The following ZNF606 variants were observed in gnomAD, a reference collection of about 807,000 sequenced individuals.
ZNF606 encodes zinc finger protein 328.
ZNF606 carries 37 observed loss-of-function variants against 74.9 expected under a neutral mutation model. The observed-to-expected ratio is 0.49, with a 90% confidence interval of 0.38 to 0.65. The LOEUF (loss-of-function observed/expected upper bound fraction) is 0.65. Ranked by LOEUF, ZNF606 falls within the 30% of genes least tolerant of loss-of-function variation. The pLI is 0.00. For missense variants in ZNF606, 852 were observed against 952.9 expected (o/e 0.89, Z 1.39); for synonymous variants, 328 against 312.4 (o/e 1.05, Z -0.53).
At chr19:57,980,775 C>T (rs2123268449) in intron 6 of ZNF606, among the ~76,000 whole-genome samples, 1 of 145,764 alleles carries the variant, frequency 6.9e-6, no homozygotes, top group South Asian at 2.2e-4. Flanking sequence ...GCAGAGCTTG[C>T]AGTGAGCCAA....
At chr19:58,001,047 C>G in intron 2 of ZNF606, 2 of 561,390 alleles carry the variant, frequency 3.6e-6, no homozygotes, top group South Asian at 2.6e-5. Flanking sequence ...GGAAACCCCA[C>G]AAACCACCAG....
chr19:57,982,702 T>C (rs563585580), intron 6 of ZNF606, among the ~76,000 whole-genome samples: 33 of 152,294 alleles, frequency 2.2e-4, no homozygotes, highest in African/African-American at 7.7e-4. Context: ...GGTACCGTCA[T>C]AGCTCACTGT....
intron 4 of ZNF606, among the ~76,000 whole-genome samples, chr19:57,993,930 C>A (rs1408915068): frequency 6.6e-6 from 1 of 152,098 alleles, no homozygotes; most frequent in Non-Finnish European, 1.5e-5. Context: ...ACAGGACTTC[C>A]AGCCTCACAG....
intron 4 of ZNF606, chr19:57,997,707 G>GTGT (rs1274247427): frequency 6.6e-6 from 1 of 152,226 alleles, no homozygotes; most frequent in East Asian, 1.9e-4. Context: ...TAGCATGGTG[G>GTGT]TTAACAGGGC....
At chr19:57,985,356 ACTAGAC>A (rs1243932794) in intron 6 of ZNF606, among the ~76,000 whole-genome samples, 2 of 152,292 alleles carry the variant, frequency 1.3e-5, no homozygotes, top group East Asian at 3.9e-4. Context: ...AACACTCATT[ACTAGAC>A]CTGCCTAGTG....
At chr19:57,995,078 C>T (rs1265837040) in intron 4 of ZNF606, among the ~76,000 whole-genome samples, 2 of 151,268 alleles carry the variant, frequency 1.3e-5, no homozygotes, top group Non-Finnish European at 2.9e-5. Context: ...GTACTCCCAG[C>T]TACTTGGGAG....
At chr19:57,989,401 GTC>G (rs2073216094) in intron 4 of ZNF606, among the ~76,000 whole-genome samples, 1 of 151,952 alleles carries the variant, frequency 6.6e-6, no homozygotes, top group African/African-American at 2.4e-5. Flanking sequence ...GGTAATCTAA[GTC>G]TGATTTTTCC....
chr19:57,995,243 T>C (rs1189152031), intron 4 of ZNF606, among the ~76,000 whole-genome samples: 1 of 150,960 alleles, frequency 6.6e-6, no homozygotes, highest in Admixed American at 6.6e-5. Context: ...CAATTCTGCT[T>C]CTAGGGGTAT....
chr19:57,979,310 T>G lies in ZNF606; in HGVS notation c.1370A>C (p.Glu457Ala). 1.9e-6 allele frequency: 3 copies of G among 1,614,066 alleles called. No individual in the cohort carries two copies. The highest frequency in any genetic ancestry group is 2.5e-6 in the Non-Finnish European group (3 of 1,180,016). Residue 457 changes from glutamate (E) to alanine (A), a missense_variant, in exon 7 of 7, where the codon GAA becomes GCA. This residue lies in a region of ZNF606 where 243 missense variants were observed against 359.2 expected (regional missense o/e 0.68). Transcript: ENST00000551380. The part of the protein sequence containing the change: ...ERTHTGIKPY[E>A]CNKCGKAFSW... The stretch of plus-strand genomic sequence containing the variant: ...GAAGGCTTTTCCACATTTATTACAT[T>G]CATAGGGTTTTATTCCAGTGTGAGT...
chr19:58,001,417 A>G, intron 1 of ZNF606, 47 bp from the exon 2 acceptor site: 1 of 1,468,078 alleles, frequency 6.8e-7, no homozygotes, highest in South Asian at 1.2e-5. Flanking sequence ...TTCTCACAGA[A>G]GACCAAGTGG....
At chr19:57,980,855 T>C (rs10416457) in intron 6 of ZNF606, among the ~76,000 whole-genome samples, 20,719 of 138,036 alleles carry the variant, frequency 0.15, 1,517 homozygotes, top group African/African-American at 0.16. Context: ...AAAAAAAAAA[T>C]GTGCAAGAAA....
intron 4 of ZNF606, among the ~76,000 whole-genome samples, chr19:57,996,790 T>A (rs985976740): frequency 1.3e-5 from 2 of 152,172 alleles, no homozygotes; most frequent in Non-Finnish European, 2.9e-5. Flanking sequence ...TGCATTTGTA[T>A]TTTCCAATCA....
intron 3 of ZNF606, 69 bp from the exon 4 acceptor site, chr19:57,999,965 C>A: frequency 2.1e-6 from 3 of 1,451,224 alleles, no homozygotes; most frequent in Non-Finnish European, 2.8e-6. Flanking sequence ...TTCTGGGGGG[C>A]TGAGAACCAG....
intron 6 of ZNF606, among the ~76,000 whole-genome samples, chr19:57,986,027 A>G (rs1442694012): frequency 6.6e-6 from 1 of 152,140 alleles, no homozygotes; most frequent in Non-Finnish European, 1.5e-5. Flanking sequence ...CTTCAATAAG[A>G]TTAACAGCTT....
chr19:58,000,378 C>T (rs1392929575), intron 3 of ZNF606: 6 of 549,100 alleles, frequency 1.1e-5, no homozygotes, highest in African/African-American at 9.5e-5. Context: ...CCCACCACCA[C>T]GCCCAGCTAA....
Position 57,979,376 on chromosome 19 carries a change from T to A in ZNF606, c.1304A>T (p.Lys435Ile). The A allele has an allele frequency of 6.2e-7, 1 of 1,613,156 alleles. No homozygotes were observed. The highest frequency in any genetic ancestry group is 8.5e-7 in the Non-Finnish European group (1 of 1,179,530). ...EKPYECDKCG[K>I]VFRNRSALTK... ...AAGGGCTGAGCGATTCCTAAAAACT[T>A]TTCCACATTTATCACATTCATAGGG... is the stretch of plus-strand genomic sequence containing the variant. The change falls in exon 7 of 7, where the codon AAA becomes ATA. Residue 435 changes from lysine to isoleucine, a missense_variant. Physicochemically the swap from Lys to Ile is moderately radical, Grantham distance 102 (BLOSUM62 -3). Transcript: ENST00000551380.
intron 4 of ZNF606, chr19:57,999,455 T>G: frequency 2.7e-6 from 1 of 365,948 alleles, no homozygotes; most frequent in Non-Finnish European, 4.9e-6. Context: ...CCTTGTTCCC[T>G]TCACAGCAGG....
Position 57,988,730 on chromosome 19 carries a change from ACAC to A in ZNF606, c.178-12_178-10del. Reference sequence around the variant, plus strand: ...TTGAAGGTCACTGGTTCCTAAAAGAACACAAACGTTCCTTCTCAGCCTGTGACC... The same window carrying A: ...TTGAAGGTCACTGGTTCCTAAAAGAAAAACGTTCCTTCTCAGCCTGTGACC... On this transcript the variant is annotated splice_polypyrimidine_tract_variant and intron_variant, in intron 4 of 6. Transcript: ENST00000551380. The A allele has an allele frequency of 6.2e-7, 1 of 1,614,040 alleles. No homozygotes were observed. The highest frequency in any genetic ancestry group is 8.5e-7 in the Non-Finnish European group (1 of 1,180,012).
chr19:57,988,201 C>T lies in ZNF606; in HGVS notation c.400+6G>A. ...GTTCCTTGTTCAGCCTGGGGTCTGC[C>T]CTCACCTGGACAAGTGCGTTGAGGA... On this transcript the variant is annotated splice_donor_region_variant and intron_variant, in intron 6 of 6. Transcript: ENST00000551380. The T allele has an allele frequency of 6.2e-7, 1 of 1,612,616 alleles. No individual in the cohort carries two copies. Among genetic ancestry groups the T allele is most frequent in the African/African-American group, 1.3e-5 (1 of 75,020 alleles).
Sources: allele counts gnomAD v4.1 joint callset (sites outside exome capture counted in the v4.1 genomes callset), GRCh38; gene constraint gnomAD v4.1.1; regional missense constraint gnomAD v4.1.1; transcripts MANE v1.5; gene names NCBI Gene and HGNC (gene_info 2026-07-23, HGNC 2026-07-21).